Variants in SIRPG observed in about 807,000 individuals in gnomAD.
The protein encoded by SIRPG is signal-regulatory protein gamma.
In SIRPG, 38 loss-of-function variants were observed where a neutral mutation model predicts 35.7. The observed-to-expected ratio is 1.06, with a 90% CI of 0.82 to 1.40. The LOEUF is 1.40. Among genes scored for constraint, SIRPG ranks in the 40% most tolerant of loss-of-function variants. The probability of loss-of-function intolerance (pLI) is 0.00; values close to 1 mark genes in which losing one functional copy is unlikely to be tolerated. For synonymous variants in SIRPG, 215 were observed against 190.4 expected (o/e 1.13, Z -1.06); for missense variants, 519 against 483.0 (o/e 1.07, Z -0.70).
chr20:1,681,485 G>A, the SIRPG span, among the ~76,000 whole-genome samples: 20 of 152,276 alleles, frequency 1.3e-4, no homozygotes, highest in Middle Eastern at 3.4e-3. Flanking sequence ...ATCATCCAAA[G>A]TAAGAGCTGT....
chr20:1,635,220 T>TA, intron 4 of SIRPG, 47 bp downstream of exon 4: 1 of 1,479,864 alleles, frequency 6.8e-7, no homozygotes, highest in Non-Finnish European at 9.2e-7. Flanking sequence ...ATATTACTTT[T>TA]AAAATGAGAG....
At chr20:1,648,979 C>T in intron 2 of SIRPG, 73 bp downstream of exon 2, 1 of 1,336,882 alleles carries the variant, frequency 7.5e-7, no homozygotes, top group Non-Finnish European at 1.1e-6. Flanking sequence ...GATTGTTGCT[C>T]AAAGAATGGA....
At chr20:1,634,210 T>A (rs1052542024) in intron 4 of SIRPG, among the ~76,000 whole-genome samples, 7 of 29,638 alleles carry the variant, frequency 2.4e-4, no homozygotes, top group Admixed American at 4.8e-4. Context: ...CCTGGTACAG[T>A]TTTTTTTTTT....
At chr20:1,664,436 TG>T in the SIRPG span, among the ~76,000 whole-genome samples, 135 of 152,256 alleles carry the variant, frequency 8.9e-4, no homozygotes, top group African/African-American at 3.2e-3. Context: ...ACGGAAAAGC[TG>T]GAGAGAGTCT....
chr20:1,662,824 A>C, the SIRPG span, among the ~76,000 whole-genome samples: 1 of 152,120 alleles, frequency 6.6e-6, no homozygotes, highest in Non-Finnish European at 1.5e-5. Context: ...TGAGGAGAAA[A>C]ACTGATCAGG....
chr20:1,654,042 G>A (rs752505338), intron 1 of SIRPG, among the ~76,000 whole-genome samples: 11 of 151,990 alleles, frequency 7.2e-5, no homozygotes, highest in Admixed American at 1.3e-4. Flanking sequence ...AATCGAGACC[G>A]TCTTGGCCAA....
the SIRPG span, chr20:1,665,268 T>G: frequency 1.1e-4 from 18 of 163,964 alleles, no homozygotes; most frequent in Middle Eastern, 5.0e-3. Context: ...AGCCCTTCTA[T>G]CCCCACACTT....
At chr20:1,652,877 T>C (rs1305996642) in intron 1 of SIRPG, among the ~76,000 whole-genome samples, 1 of 152,222 alleles carries the variant, frequency 6.6e-6, no homozygotes, top group Non-Finnish European at 1.5e-5. Context: ...AAGTACCCCA[T>C]GTTTTTATGT....
chr20:1,670,311 A>G, the SIRPG span: 1 of 192,672 alleles, frequency 5.2e-6, no homozygotes, highest in Non-Finnish European at 1.2e-5. Context: ...TCCATAAAGT[A>G]GCTCCCACCA....
intron 1 of SIRPG, among the ~76,000 whole-genome samples, chr20:1,654,237 A>G (rs751451512): frequency 8.0e-6 from 1 of 124,302 alleles, no homozygotes; most frequent in South Asian, 2.4e-4. Flanking sequence ...GACTGCATCT[A>G]AAAAAAAAAA....
chr20:1,657,321 G>T (rs150542592), intron 1 of SIRPG, among the ~76,000 whole-genome samples: 1 of 152,288 alleles, frequency 6.6e-6, no homozygotes, highest in East Asian at 1.9e-4. Context: ...TTAAAGAGGA[G>T]GAGGGCACAC....
the SIRPG span, among the ~76,000 whole-genome samples, chr20:1,678,145 C>T: frequency 6.6e-6 from 1 of 152,126 alleles, no homozygotes; most frequent in African/African-American, 2.4e-5. Flanking sequence ...CTCATAGTTA[C>T]GTCTTCCCAT....
At chr20:1,668,243 C>CTT in the SIRPG span, among the ~76,000 whole-genome samples, 5 of 50,344 alleles carry the variant, frequency 9.9e-5, no homozygotes, top group African/African-American at 3.3e-4. Flanking sequence ...TTCTTTCTTT[C>CTT]TTTCTTTTTC....
At chr20:1,636,073 A>C in intron 3 of SIRPG, 115 bp downstream of exon 3, 1 of 1,444,142 alleles carries the variant, frequency 6.9e-7, no homozygotes, top group East Asian at 2.4e-5. Flanking sequence ...GCGGGCGGGC[A>C]GTATAGTCAG....
chr20:1,665,562 G>C, the SIRPG span, among the ~76,000 whole-genome samples: 2 of 152,140 alleles, frequency 1.3e-5, no homozygotes, highest in Non-Finnish European at 2.9e-5. Flanking sequence ...AGGGAAAGAG[G>C]CTCCTTCTTT....
Position 1,657,746 on chromosome 20 carries a change from AC to A in SIRPG, c.-33del. The A allele has an allele frequency of 6.2e-7, 1 of 1,603,600 alleles. No individual in the cohort carries two copies. The highest frequency in any genetic ancestry group is 8.5e-7 in the Non-Finnish European group (1 of 1,170,982). ...GACCTCAGAAGCCTGCTCTGTTCAA[AC>A]GTCTGTTCTGGGGAGATGTCAGGCC... On this transcript the variant is annotated 5_prime_UTR_variant, in exon 1 of 6. Transcript: ENST00000303415.
the SIRPG span, among the ~76,000 whole-genome samples, chr20:1,666,968 G>C: frequency 4.9e-4 from 74 of 151,782 alleles, no homozygotes; most frequent in African/African-American, 1.8e-3. Flanking sequence ...CTGGAGTGCA[G>C]TGGCGTGATC....
upstream of SIRPG, among the ~76,000 whole-genome samples, chr20:1,660,984 C>A (rs190026581): frequency 1.3e-5 from 2 of 152,274 alleles, no homozygotes; most frequent in East Asian, 1.9e-4. Flanking sequence ...AGAGAATAAT[C>A]ATACCATCTT....
chr20:1,665,549 A>T, the SIRPG span, among the ~76,000 whole-genome samples: 1 of 152,170 alleles, frequency 6.6e-6, no homozygotes, highest in African/African-American at 2.4e-5. Context: ...CAAGGCAGAA[A>T]CCAGGGAAAG....
Sources: allele counts gnomAD v4.1 joint callset (sites outside exome capture counted in the v4.1 genomes callset), GRCh38; gene constraint gnomAD v4.1.1; transcripts MANE v1.5; gene names NCBI Gene and HGNC (gene_info 2026-07-23, HGNC 2026-07-21).